The following RNPC3 variants were observed in gnomAD, a reference collection of about 807,000 sequenced individuals.
The protein encoded by RNPC3 is RNA binding region (RNP1, RRM) containing 3.
RNPC3 carries 48 observed loss-of-function variants against 67.5 expected under a neutral mutation model. The observed-to-expected ratio is 0.71, with a 90% CI of 0.56 to 0.90. The LOEUF (loss-of-function observed/expected upper bound fraction) is 0.90, where lower values mean the gene tolerates loss of function less well. RNPC3 is among the 40% of genes least tolerant of loss of function. RNPC3 has a pLI of 0.00. For synonymous variants in RNPC3, 239 were observed against 210.3 expected (o/e 1.14, Z -1.18); for missense variants, 637 against 626.1 (o/e 1.02, Z -0.19).
rs992127191 is a variant in RNPC3 at position 103,526,025 on chromosome 1, A to G, written c.-46A>G. 3.5e-6 allele frequency: 5 copies of G among 1,442,082 alleles called. No homozygotes were observed. The African/African-American group carries it at 7.2e-5, about 21-fold the overall frequency. 89.3% of individuals were successfully genotyped at this position (1,442,082 alleles called of 1,614,324 possible). On this transcript the variant is annotated 5_prime_UTR_variant, in exon 1 of 15. It removes the in-frame stop codon of an upstream open reading frame in the 5' UTR. Transcript: ENST00000423855. ...AGCTTGTGTTGATGCCGCGATTTTG[A>G]CTGAGACTTCTTCCCACGATTTCTG...
chr1:103,546,959 T>G lies in RNPC3; in HGVS notation c.1303-18T>G. ...TCCCCTGGCTTTGTTATTTGTCTTTTTCTTATTGAAATTCTAGGACCTTAA... is the reference window on the plus strand; with the variant it reads ...TCCCCTGGCTTTGTTATTTGTCTTTGTCTTATTGAAATTCTAGGACCTTAA... On this transcript the variant is annotated intron_variant, in intron 11 of 14. Transcript: ENST00000423855. 2.3e-6 allele frequency: 3 copies of G among 1,315,488 alleles called. No individual in the cohort carries two copies. Among genetic ancestry groups the G allele is most frequent in the Non-Finnish European group, 3.1e-6 (3 of 963,188 alleles). The allele number at this position is 1,315,488 out of a possible 1,614,324, so 81.5% of individuals were successfully genotyped here. A position where few individuals can be genotyped will look rare whatever the true frequency, so the allele number is the denominator to read the frequency against.
intron 2 of RNPC3, among the ~76,000 whole-genome samples, chr1:103,531,258 A>G (rs537222011): frequency 3.3e-5 from 5 of 152,186 alleles, no homozygotes; most frequent in East Asian, 3.9e-4. Context: ...ATTGATGGGC[A>G]TTTGGGCTGG....
intron 9 of RNPC3, 100 bp from the exon 10 acceptor site, chr1:103,544,840 GC>G (rs1312482950): frequency 3.2e-6 from 2 of 631,050 alleles, no homozygotes; most frequent in East Asian, 6.4e-5. Flanking sequence ...GAATTTTAGT[GC>G]CAGAAGATAT....
intron 2 of RNPC3, among the ~76,000 whole-genome samples, chr1:103,528,971 T>A (rs1650777358): frequency 6.6e-6 from 1 of 152,190 alleles, no homozygotes; most frequent in African/African-American, 2.4e-5. Flanking sequence ...AGGGAAGCCT[T>A]AAATCACATT....
chr1:103,545,280 G>A (rs1010278103), intron 10 of RNPC3, 178 bp downstream of exon 10: 3 of 503,602 alleles, frequency 6.0e-6, no homozygotes, highest in African/African-American at 4.1e-5. Flanking sequence ...ACTTTATAGT[G>A]GAGGGAACGT....
intron 1 of RNPC3, among the ~76,000 whole-genome samples, chr1:103,526,869 C>A (rs1650726810): frequency 6.6e-6 from 1 of 152,140 alleles, no homozygotes; most frequent in Admixed American, 6.5e-5. Context: ...GATTTCTCTT[C>A]ATTAAAATAG....
At position 103,544,996 on chromosome 1, in the gene RNPC3, C is replaced by T; in HGVS notation, c.1101C>T (p.Pro367=). The T allele has an allele frequency of 1.3e-6, 2 of 1,533,588 alleles. No individual in the cohort carries two copies. Among genetic ancestry groups the T allele is most frequent in the Non-Finnish European group, 1.7e-6 (2 of 1,144,682 alleles). The allele number at this position is 1,533,588 out of a possible 1,614,324, so 95.0% of individuals were successfully genotyped here. Residue 367 remains proline, a synonymous_variant, in exon 10 of 15, where the codon CCC becomes CCT. Transcript: ENST00000423855. ...ASNIGFGKIF[P]KPNLDITEEI... is the part of the protein sequence containing the mutation. ...ATATAGGATTTGGAAAAATCTTCCC[C>T]AAACCTAATTTGGACATCACAGAGG... is the stretch of plus-strand genomic sequence containing the variant.
At position 103,533,823 on chromosome 1, in the gene RNPC3, C is replaced by T. The variant is rs1181015107; in HGVS notation, c.325C>T (p.Pro109Ser). The change falls in exon 3 of 15, where the codon CCA becomes TCA. Residue 109 changes from proline (P) to serine (S), a missense_variant. Physicochemically the swap from Pro to Ser is moderately conservative, Grantham distance 74. Coordinates refer to ENST00000423855, the MANE Select transcript of RNPC3 (RefSeq NM_017619.4). ...FAKEQDRVHS[P>S]CPTSGSEKKK... ...AAAAGAGCAAGATCGAGTTCACTCC[C>T]CATGTCCCACTTCAGGCTCTGAAAA... 4.6e-6 allele frequency: 7 copies of T among 1,530,300 alleles called. No homozygotes were observed. Among genetic ancestry groups the T allele is most frequent in the Middle Eastern group, 1.7e-4 (1 of 5,988 alleles). The allele number at this position is 1,530,300 out of a possible 1,614,324, so 94.8% of individuals were successfully genotyped here.
chr1:103,527,710 G>A lies in RNPC3; in HGVS notation c.208G>A (p.Ala70Thr). The change falls in exon 2 of 15, where the codon GCC becomes ACC. Residue 70 changes from alanine (A) to threonine (T), a missense_variant. Transcript: ENST00000423855. ...TCTGTTTCAGAAACATACAGCTTTT[G>A]CCACATTCCCTAATGAAAAAGCAGC... ...DKGRLKHTAF[A>T]TFPNEKAAIK... 1 of 1,548,658 alleles carries A rather than the reference G, an allele frequency of 6.5e-7. No individual in the cohort carries two copies. Among genetic ancestry groups the A allele is most frequent in the Non-Finnish European group, 8.7e-7 (1 of 1,144,978 alleles).
Position 103,525,861 on chromosome 1 carries a change from A to G in RNPC3, c.-210A>G, listed in dbSNP as rs1650684502. On this transcript the variant is annotated 5_prime_UTR_variant, in exon 1 of 15. Transcript: ENST00000423855. ...GGAGACCCCTGGAATTTAAATCATT[A>G]GCACCGCGCCCTTCCCCGAAGAGTC... The G allele has an allele frequency of 7.5e-6, 4 of 535,312 alleles. No homozygotes were observed. Among genetic ancestry groups the G allele is most frequent in the Non-Finnish European group, 1.0e-5 (3 of 300,952 alleles). 33.2% of individuals were successfully genotyped at this position (535,312 alleles called of 1,614,324 possible).
intron 8 of RNPC3, among the ~76,000 whole-genome samples, chr1:103,542,871 G>C (rs921395976): frequency 6.6e-6 from 1 of 151,566 alleles, no homozygotes; most frequent in Non-Finnish European, 1.5e-5. Context: ...TATTTCATCT[G>C]TTTCTTTTCA....
intron 14 of RNPC3, chr1:103,553,573 G>C (rs1157432512): frequency 6.6e-6 from 1 of 152,242 alleles, no homozygotes; most frequent in African/African-American, 2.4e-5. Flanking sequence ...CTTACTTAGA[G>C]AATGTGTTCA....
At position 103,551,019 on chromosome 1, in the gene RNPC3, A is replaced by C; in HGVS notation, c.1440A>C (p.Ala480=). The C allele has an allele frequency of 2.5e-6, 4 of 1,612,580 alleles. No homozygotes were observed. Among genetic ancestry groups the C allele is most frequent in the Non-Finnish European group, 3.4e-6 (4 of 1,179,622 alleles). Residue 480 remains alanine, a synonymous_variant, in exon 13 of 15, where the codon GCA becomes GCC. Coordinates refer to ENST00000423855, the MANE Select transcript of RNPC3 (RefSeq NM_017619.4). ...GACTTCCTAATGAAAAAGCAGCAGC[A>C]AAAGCCTTAAAGGAAGCTAATGGAT... is the stretch of plus-strand genomic sequence containing the variant. ...FIGLPNEKAA[A]KALKEANGYV...
intron 12 of RNPC3, among the ~76,000 whole-genome samples, chr1:103,548,414 C>T (rs764924071): frequency 6.6e-6 from 1 of 152,142 alleles, no homozygotes; most frequent in African/African-American, 2.4e-5. Context: ...TCATCTCTCT[C>T]AAGTTCAAAA....
Position 103,546,345 on chromosome 1 carries a change from A to G in RNPC3, c.1302+3A>G, listed in dbSNP as rs532042886. The G allele has an allele frequency of 5.1e-6, 7 of 1,359,542 alleles. No homozygotes were observed. The highest frequency in any genetic ancestry group is 2.8e-5 in the Admixed American group (1 of 35,130). 84.2% of individuals were successfully genotyped at this position (1,359,542 alleles called of 1,614,324 possible). A position where few individuals can be genotyped will look rare whatever the true frequency, so the allele number is the denominator to read the frequency against. On this transcript the variant is annotated splice_donor_region_variant and intron_variant, in intron 11 of 14. Coordinates refer to ENST00000423855, the MANE Select transcript of RNPC3 (RefSeq NM_017619.4). ...TAGCTAAACATGTTCAAGAAAAGGT[A>G]GGTATAAATTGATTTTTTTTCATGT... is the stretch of plus-strand genomic sequence containing the variant.
chr1:103,530,150 C>A (rs528885392), intron 2 of RNPC3, among the ~76,000 whole-genome samples: 1 of 148,988 alleles, frequency 6.7e-6, no homozygotes, highest in African/African-American at 2.5e-5. Flanking sequence ...ATATTAAGTA[C>A]CTACTATGTG....
Position 103,541,382 on chromosome 1 carries a change from A to C in RNPC3, c.800A>C (p.Gln267Pro), listed in dbSNP as rs1432046371. 1 of 1,506,712 alleles carries C rather than the reference A, an allele frequency of 6.6e-7. No individual in the cohort carries two copies. The highest frequency in any genetic ancestry group is 8.8e-7 in the Non-Finnish European group (1 of 1,136,380). 93.3% of individuals were successfully genotyped at this position (1,506,712 alleles called of 1,614,324 possible). A position where few individuals can be genotyped will look rare whatever the true frequency, so the allele number is the denominator to read the frequency against. Residue 267 changes from glutamine (Q) to proline (P), a missense_variant, in exon 8 of 15, where the codon CAG becomes CCG. Gln to Pro is a moderately conservative substitution (Grantham distance 76). Coordinates refer to ENST00000423855, the MANE Select transcript of RNPC3 (RefSeq NM_017619.4). ...AAATTAATGGAACTAGCAAATCTTC[A>C]GCCCAAAAGACCTAAAACAATAAAG... is the stretch of plus-strand genomic sequence containing the variant. ...MNKLMELANL[Q>P]PKRPKTIKQR...
intron 2 of RNPC3, among the ~76,000 whole-genome samples, chr1:103,533,100 C>T (rs984899205): frequency 2.0e-5 from 3 of 151,876 alleles, no homozygotes; most frequent in Non-Finnish European, 4.4e-5. Context: ...AGTAAAGACC[C>T]TTGAGGAGAT....
chr1:103,539,777 CCAAAA>C (rs1651077428), intron 7 of RNPC3, among the ~76,000 whole-genome samples: 1 of 152,132 alleles, frequency 6.6e-6, no homozygotes, highest in African/African-American at 2.4e-5. Flanking sequence ...AATCTGAAAT[CCAAAA>C]TGCTTCAGAC....
Sources: gnomAD v4.1 joint callset for allele counts (sites outside exome capture counted in the v4.1 genomes callset) on GRCh38, gnomAD v4.1.1 for gene constraint, MANE v1.5 for transcripts, NCBI Gene and HGNC (gene_info 2026-07-23, HGNC 2026-07-21) for gene names.